The following CNOT1 variants were observed in gnomAD, a reference collection of about 807,000 sequenced individuals.
The protein encoded by CNOT1 is CCR4-NOT transcription complex subunit 1.
CNOT1 carries 15 observed loss-of-function variants against 273.8 expected under a neutral mutation model. That is an observed-to-expected ratio of 0.05 (90% CI 0.04 to 0.08). CNOT1 has a LOEUF of 0.08. Ranked by LOEUF, CNOT1 falls within the 10% of genes least tolerant of loss-of-function variation. CNOT1 has a pLI of 1.00. For synonymous variants in CNOT1, 1,022 were observed against 1,005.5 expected (o/e 1.02, Z -0.31); for missense variants, 1,644 against 2,912.2 (o/e 0.56, Z 10.02).
At chr16:58,523,235 A>T in intron 47 of CNOT1, 135 bp downstream of exon 47, 1 of 875,712 alleles carries the variant, frequency 1.1e-6, no homozygotes, top group Non-Finnish European at 1.6e-6. Flanking sequence ...ACAGAGCAAC[A>T]CTCCGTCTCA....
rs561922180 is a variant in CNOT1, at chr16:58,547,410, G to A, written c.3640-114C>T. On this transcript the variant is annotated intron_variant, in intron 26 of 48. Coordinates refer to ENST00000317147, the MANE Select transcript of CNOT1 (RefSeq NM_016284.5). This position sits in a 1 kb window ranked among gnomAD's most constrained non-coding sequence, Gnocchi z 4.0. Reference sequence around the variant, plus strand: ...TCCCCAAAACAGGAATCAACATAATGTCTAGTCCTTGCCTTACAAAAAGGG... The same window carrying A: ...TCCCCAAAACAGGAATCAACATAATATCTAGTCCTTGCCTTACAAAAAGGG... The A allele has an allele frequency of 2.6e-6, 4 of 1,533,176 alleles. No individual in the cohort carries two copies. The highest frequency in any genetic ancestry group is 3.5e-6 in the Non-Finnish European group (4 of 1,135,098). The allele number at this position is 1,533,176 out of a possible 1,614,324, so 95.0% of individuals were successfully genotyped here. A position where few individuals can be genotyped will look rare whatever the true frequency, so the allele number is the denominator to read the frequency against.
chr16:58,581,583 C>T, intron 10 of CNOT1, 68 bp from the exon 11 acceptor site: 1 of 1,449,860 alleles, frequency 6.9e-7, no homozygotes, highest in Admixed American at 2.6e-5. Flanking sequence ...ATCCAAAAGG[C>T]CAAATTAAAT....
Position 58,578,837 on chromosome 16 carries a change from G to A in CNOT1, c.1446C>T (p.Asp482=). The A allele has an allele frequency of 6.2e-7, 1 of 1,614,188 alleles. No homozygotes were observed. Among genetic ancestry groups the A allele is most frequent in the Non-Finnish European group, 8.5e-7 (1 of 1,180,040 alleles). ...TTTGTAGTAAGGCCAATACCAGCAT[G>A]TCTGGACAGTGTTTGATAGGGAAGC... ...LFSFPIKHCP[D]MLVLALLQIN... The change falls in exon 13 of 49, where the codon GAC becomes GAT. Residue 482 remains aspartate, a synonymous_variant. Coordinates refer to ENST00000317147, the MANE Select transcript of CNOT1 (RefSeq NM_016284.5).
intron 2 of CNOT1, chr16:58,597,725 A>G: frequency 1.9e-6 from 1 of 515,918 alleles, no homozygotes; most frequent in South Asian, 1.4e-5. Flanking sequence ...ACTGCACAGG[A>G]GGGTGTGATG....
chr16:58,543,261 G>A, intron 31 of CNOT1: 2 of 1,543,770 alleles, frequency 1.3e-6, no homozygotes, highest in Non-Finnish European at 8.7e-7. Context: ...AAGTCATTTT[G>A]TATCGGCCTT....
chr16:58,524,425 C>G (rs575267671), intron 46 of CNOT1, among the ~76,000 whole-genome samples: 6 of 152,026 alleles, frequency 3.9e-5, no homozygotes, highest in African/African-American at 9.6e-5. Flanking sequence ...GAGTCTGTCA[C>G]AGTGACACGT....
At chr16:58,556,692 G>C (rs540066229) in intron 19 of CNOT1, among the ~76,000 whole-genome samples, 155 bp downstream of exon 19, 1 of 152,214 alleles carries the variant, frequency 6.6e-6, no homozygotes, top group Non-Finnish European at 1.5e-5. Flanking sequence ...CTGGGAAGGA[G>C]TGATACCTCT....
Position 58,528,470 on chromosome 16 carries a change from C to A in CNOT1, c.6453+5G>T. 2 of 1,608,280 alleles carry A rather than the reference C, an allele frequency of 1.2e-6. No individual in the cohort carries two copies. Among genetic ancestry groups the A allele is most frequent in the Non-Finnish European group, 1.7e-6 (2 of 1,175,978 alleles). ...AAGTTTTCCTTTAACTAGTTGGAAC[C>A]TTACCTTTAGATTAGGAGTGAATGG... is the stretch of plus-strand genomic sequence containing the variant. On this transcript the variant is annotated splice_donor_5th_base_variant and intron_variant, in intron 44 of 48. Transcript: ENST00000317147.
chr16:58,521,099 T>TC, intron 48 of CNOT1, 63 bp from the exon 49 acceptor site: 1 of 1,613,346 alleles, frequency 6.2e-7, no homozygotes, highest in Non-Finnish European at 8.5e-7. Context: ...ACCTTGCATC[T>TC]CATTCAGCTG....
chr16:58,608,881 A>AT (rs2042786958), intron 1 of CNOT1, among the ~76,000 whole-genome samples: 1 of 152,182 alleles, frequency 6.6e-6, no homozygotes, highest in South Asian at 2.1e-4. Flanking sequence ...ACCAAACATC[A>AT]TATGTTCTCA....
intron 16 of CNOT1, among the ~76,000 whole-genome samples, chr16:58,569,534 A>C (rs2041189463): frequency 6.6e-6 from 1 of 152,062 alleles, no homozygotes; most frequent in African/African-American, 2.4e-5. Context: ...AAACCAAAAA[A>C]CAGAAATTCG....
chr16:58,581,673 T>A (rs1235037724), intron 10 of CNOT1, among the ~76,000 whole-genome samples, 158 bp from the exon 11 acceptor site: 1 of 152,146 alleles, frequency 6.6e-6, no homozygotes, highest in Non-Finnish European at 1.5e-5. Flanking sequence ...TTTCTTTTTT[T>A]TTTTTTAAGA....
intron 29 of CNOT1, 86 bp from the exon 30 acceptor site, chr16:58,545,577 T>C: frequency 1.3e-6 from 2 of 1,565,736 alleles, no homozygotes; most frequent in Admixed American, 3.6e-5. Context: ...AAGTGGTCAT[T>C]ATCTAATTAA....
At position 58,556,933 on chromosome 16, in the gene CNOT1, G is replaced by A. The variant is rs2040650153; in HGVS notation, c.2393C>T (p.Ala798Val). The A allele has an allele frequency of 8.7e-6, 14 of 1,614,010 alleles. No individual in the cohort carries two copies. Among genetic ancestry groups the A allele is most frequent in the Non-Finnish European group, 9.3e-6 (11 of 1,180,022 alleles). ...GIGTGALGLP[A>V]VNNDPFVQRK... ...CTGTACAAAAGGGTCGTTATTCACT[G>A]CAGGGAGTCCAAGAGCACCAGTTCC... Residue 798 changes from alanine to valine, a missense_variant, in exon 19 of 49, where the codon GCA (alanine) becomes GTA (valine). Coordinates refer to ENST00000317147, the MANE Select transcript of CNOT1 (RefSeq NM_016284.5).
intron 31 of CNOT1, among the ~76,000 whole-genome samples, 175 bp from the exon 32 acceptor site, chr16:58,542,743 T>C (rs2040131620): frequency 6.6e-6 from 1 of 152,212 alleles, no homozygotes; most frequent in Non-Finnish European, 1.5e-5. Flanking sequence ...TTCCTCACTT[T>C]TAAGACAAAA....
intron 2 of CNOT1, among the ~76,000 whole-genome samples, chr16:58,593,052 T>C (rs1190273984): frequency 6.6e-6 from 1 of 152,020 alleles, no homozygotes; most frequent in African/African-American, 2.4e-5. Context: ...AATTCAAAAG[T>C]AAAAACACAA....
chr16:58,624,244 T>C (rs536441446), intron 1 of CNOT1, among the ~76,000 whole-genome samples: 1 of 152,312 alleles, frequency 6.6e-6, no homozygotes, highest in Non-Finnish European at 1.5e-5. Flanking sequence ...AGGATACCCA[T>C]GTGGTGTCCA....
intron 16 of CNOT1, among the ~76,000 whole-genome samples, chr16:58,569,562 C>CA (rs1311159484): frequency 2.0e-5 from 3 of 150,550 alleles, no homozygotes; most frequent in Non-Finnish European, 4.4e-5. Context: ...CCATCAGATA[C>CA]TACACTCTAC....
intron 3 of CNOT1, among the ~76,000 whole-genome samples, chr16:58,588,381 T>C (rs1365298546): frequency 6.6e-6 from 1 of 152,094 alleles, no homozygotes; most frequent in Non-Finnish European, 1.5e-5. Flanking sequence ...CTCATTACAC[T>C]ACTCAAAGTC....
Sources: allele counts gnomAD v4.1 joint callset (sites outside exome capture counted in the v4.1 genomes callset), GRCh38; gene constraint gnomAD v4.1.1; non-coding constraint Gnocchi (gnomAD v3.1); transcripts MANE v1.5; gene names NCBI Gene and HGNC (gene_info 2026-07-23, HGNC 2026-07-21).